LRRTM4: variants seen among roughly 807,000 people sequenced by gnomAD.
LRRTM4 encodes leucine rich repeat transmembrane neuronal 4.
In LRRTM4, 25 loss-of-function variants were observed where a neutral mutation model predicts 47.6. The ratio of observed to expected loss-of-function variants is 0.53; its 90% CI spans 0.38 to 0.73. LRRTM4 has a LOEUF of 0.73. LRRTM4 is among the 30% of genes least tolerant of loss of function. LRRTM4 has a pLI of 0.00. For synonymous variants in LRRTM4, 311 were observed against 269.5 expected (o/e 1.15, Z -1.51); for missense variants, 638 against 713.4 (o/e 0.89, Z 1.20).
chr2:76,780,218 G>T (rs950936096), intron 3 of LRRTM4, among the ~76,000 whole-genome samples: 1 of 152,074 alleles, frequency 6.6e-6, no homozygotes, highest in Non-Finnish European at 1.5e-5. Context: ...TTCAACTTTG[G>T]TGAATCTGAC....
At chr2:77,363,083 C>A (rs1672302474) in intron 3 of LRRTM4, among the ~76,000 whole-genome samples, 1 of 152,102 alleles carries the variant, frequency 6.6e-6, no homozygotes, top group Non-Finnish European at 1.5e-5. Context: ...AAGGGTTAAG[C>A]AACAAAGGTG....
At chr2:76,964,219 G>A (rs779842595) in intron 3 of LRRTM4, among the ~76,000 whole-genome samples, 111 of 150,868 alleles carry the variant, frequency 7.4e-4, no homozygotes, top group Middle Eastern at 3.4e-3. Context: ...AGTGTTATGT[G>A]TTGTTTGGAG....
chr2:77,143,161 T>C (rs544632684), intron 3 of LRRTM4, among the ~76,000 whole-genome samples: 1 of 152,302 alleles, frequency 6.6e-6, no homozygotes, highest in African/African-American at 2.4e-5. Flanking sequence ...AGGCTATTCT[T>C]ATCTCCATTT....
intron 3 of LRRTM4, among the ~76,000 whole-genome samples, chr2:77,193,018 G>A (rs1011592901): frequency 3.3e-5 from 5 of 152,122 alleles, no homozygotes; most frequent in African/African-American, 9.7e-5. Context: ...ATATCTAATG[G>A]TGGTCCCGTA....
intron 3 of LRRTM4, among the ~76,000 whole-genome samples, chr2:77,356,576 A>G (rs1050587362): frequency 9.9e-5 from 15 of 152,196 alleles, no homozygotes; most frequent in African/African-American, 3.6e-4. Context: ...CAATTTGTTT[A>G]GAGAAATGCT....
intron 3 of LRRTM4, among the ~76,000 whole-genome samples, chr2:76,779,437 G>C (rs375039093): frequency 1.3e-5 from 2 of 149,136 alleles, no homozygotes; most frequent in Non-Finnish European, 3.0e-5. Flanking sequence ...TTATGAATCT[G>C]GGTGCTCCTG....
chr2:77,164,783 A>C (rs1274615604), intron 3 of LRRTM4, among the ~76,000 whole-genome samples: 1 of 152,222 alleles, frequency 6.6e-6, no homozygotes, highest in Non-Finnish European at 1.5e-5. Context: ...AAGACACAAC[A>C]TGCCAAAATC....
intron 3 of LRRTM4, among the ~76,000 whole-genome samples, chr2:77,031,894 C>T (rs1180615693): frequency 2.6e-5 from 4 of 152,120 alleles, no homozygotes; most frequent in Non-Finnish European, 5.9e-5. Flanking sequence ...CCTTCTTGTC[C>T]ATAGCAGTTC....
chr2:76,997,409 A>G (rs1275098716), intron 3 of LRRTM4, among the ~76,000 whole-genome samples: 1 of 147,138 alleles, frequency 6.8e-6, no homozygotes, highest in Non-Finnish European at 1.5e-5. Context: ...GAGATGTTTT[A>G]TTCAGCATGA....
At chr2:77,234,469 T>C (rs1001752773) in intron 3 of LRRTM4, among the ~76,000 whole-genome samples, 2 of 152,204 alleles carry the variant, frequency 1.3e-5, no homozygotes, top group African/African-American at 4.8e-5. Flanking sequence ...AATGTAGCTT[T>C]GCTTAGTTTC....
At chr2:76,802,014 C>T (rs182412004) in intron 3 of LRRTM4, among the ~76,000 whole-genome samples, 3 of 152,236 alleles carry the variant, frequency 2.0e-5, no homozygotes, top group African/African-American at 7.2e-5. Context: ...TTGCTAACAT[C>T]ATATTCAACG....
At chr2:77,473,218 G>T (rs1055514134) in intron 3 of LRRTM4, among the ~76,000 whole-genome samples, 1 of 152,088 alleles carries the variant, frequency 6.6e-6, no homozygotes, top group African/African-American at 2.4e-5. Context: ...AAAGCAATTT[G>T]TAAAGGGCTA....
At chr2:77,295,252 A>G (rs1676937993) in intron 3 of LRRTM4, among the ~76,000 whole-genome samples, 1 of 152,114 alleles carries the variant, frequency 6.6e-6, no homozygotes, top group South Asian at 2.1e-4. Flanking sequence ...CTCTTATATT[A>G]TATTGGATAC....
chr2:77,288,529 C>T (rs970607196), intron 3 of LRRTM4, among the ~76,000 whole-genome samples: 2 of 151,936 alleles, frequency 1.3e-5, no homozygotes, highest in Admixed American at 6.6e-5. Context: ...AAAGACTATA[C>T]GTGTTGGTTT....
intron 3 of LRRTM4, among the ~76,000 whole-genome samples, chr2:77,219,414 C>G (rs1224007106): frequency 6.6e-6 from 1 of 152,062 alleles, no homozygotes; most frequent in Admixed American, 6.5e-5. Context: ...TCCCTTCCCC[C>G]AGAAGTCTGA....
At chr2:77,359,613 C>T (rs1247493293) in intron 3 of LRRTM4, among the ~76,000 whole-genome samples, 2 of 152,072 alleles carry the variant, frequency 1.3e-5, no homozygotes, top group Non-Finnish European at 2.9e-5. Flanking sequence ...TTTTTCAGTC[C>T]TTCTGCAAAC....
In LRRTM4 at chr2:77,045,071, TAAA is replaced by T. The variant is rs1558546752; in HGVS notation, c.1552-296158_1552-296156del. Among the ~76,000 whole-genome samples the T allele has an allele frequency of 7.0e-3, 1,067 of 151,926 alleles. 11 individuals carry two copies. The highest frequency in any genetic ancestry group is 0.025 in the African/African-American group (1,029 of 41,490). Reference sequence around the variant, plus strand: ...TATGTGAAAATAAATTCTCTTTACATAAAGAGGTAATATGGTATTTTTAGCAGA... The same window carrying T: ...TATGTGAAAATAAATTCTCTTTACATGAGGTAATATGGTATTTTTAGCAGA... On this transcript the variant is annotated intron_variant, in intron 3 of 3. Transcript: ENST00000409884.
intron 3 of LRRTM4, among the ~76,000 whole-genome samples, chr2:77,092,268 A>G (rs1186851098): frequency 6.6e-6 from 1 of 151,712 alleles, no homozygotes; most frequent in East Asian, 1.9e-4. Context: ...CCTGACCCCC[A>G]TGACTGTATC....
At chr2:76,807,588 TTTATTTTA>T (rs1223560121) in intron 3 of LRRTM4, among the ~76,000 whole-genome samples, 2 of 150,446 alleles carry the variant, frequency 1.3e-5, no homozygotes, top group Admixed American at 6.7e-5. Flanking sequence ...TCATTATTTC[TTTATTTTA>T]TTATTATTAT....
Sources: gnomAD v4.1 joint callset for allele counts (sites outside exome capture counted in the v4.1 genomes callset) on GRCh38, gnomAD v4.1.1 for gene constraint, MANE v1.5 for transcripts, NCBI Gene and HGNC (gene_info 2026-07-23, HGNC 2026-07-21) for gene names.